The following MEIS1 variants were observed in gnomAD, a reference collection of about 807,000 sequenced individuals.
MEIS1 encodes the protein homeobox protein Meis1.
A neutral mutation model predicts 50.8 loss-of-function variants in MEIS1; 5 were observed. The ratio of observed to expected loss-of-function variants is 0.10; its 90% CI spans 0.05 to 0.21. The LOEUF is 0.21. Ranked by LOEUF, MEIS1 falls within the 10% of genes least tolerant of loss-of-function variation. MEIS1 has a pLI of 1.00. For missense variants in MEIS1, 318 were observed against 517.3 expected (o/e 0.61, Z 3.74); for synonymous variants, 176 against 179.3 (o/e 0.98, Z 0.15).
Position 66,435,815 on chromosome 2 carries a change from G to A in MEIS1, c.-42G>A. On this transcript the variant is annotated 5_prime_UTR_variant, in exon 1 of 13. Transcript: ENST00000272369. ...TTCTTTTCACACTGGCCTTAAAGAG[G>A]ATATATTAGAAGTTGAAGTAGGAAG... The A allele has an allele frequency of 6.6e-7, 1 of 1,520,164 alleles. No homozygotes were observed. Among genetic ancestry groups the A allele is most frequent in the South Asian group, 1.2e-5 (1 of 81,032 alleles). 94.2% of individuals were successfully genotyped at this position (1,520,164 alleles called of 1,614,324 possible).
At chr2:66,494,715 C>T (rs1461590964) in intron 7 of MEIS1, among the ~76,000 whole-genome samples, 1 of 152,144 alleles carries the variant, frequency 6.6e-6, no homozygotes, top group African/African-American at 2.4e-5. Flanking sequence ...AGAACTTTCA[C>T]ATATATGATC....
chr2:66,487,224 A>G (rs1486680232), intron 7 of MEIS1, among the ~76,000 whole-genome samples: 1 of 152,202 alleles, frequency 6.6e-6, no homozygotes, highest in Admixed American at 6.5e-5. Flanking sequence ...ATCATTTTTT[A>G]GCATTTCCGC....
intron 6 of MEIS1, chr2:66,443,375 G>A: frequency 4.0e-6 from 1 of 252,118 alleles, no homozygotes; most frequent in Non-Finnish European, 7.4e-6. Flanking sequence ...TGATTGTAGG[G>A]GCTTTGTTCC....
chr2:66,495,501 T>C (rs577346006), intron 7 of MEIS1, among the ~76,000 whole-genome samples: 3 of 152,192 alleles, frequency 2.0e-5, no homozygotes, highest in Non-Finnish European at 4.4e-5. Context: ...TTCAGAGATG[T>C]TTCTGGAAGA....
intron 2 of MEIS1, chr2:66,439,155 CACTTCGCAGAGACAAAATGAAAGGCTCT>C (rs1431811921): frequency 7.4e-6 from 3 of 406,462 alleles, no homozygotes; most frequent in Non-Finnish European, 1.0e-5. Context: ...GCTGCTTTGC[CACTTCGCAGAGACAAAATGAAAGGCTCT>C]ACTGCAGGAA....
intron 8 of MEIS1, among the ~76,000 whole-genome samples, chr2:66,518,231 A>G (rs1451741347): frequency 6.6e-6 from 1 of 152,228 alleles, no homozygotes; most frequent in African/African-American, 2.4e-5. Context: ...CCTTCTGAGC[A>G]CACGACCTCT....
intron 7 of MEIS1, among the ~76,000 whole-genome samples, chr2:66,488,656 C>T (rs145063283): frequency 2.9e-4 from 44 of 151,892 alleles, no homozygotes; most frequent in African/African-American, 9.7e-4. Flanking sequence ...CCAGCCTAGG[C>T]GACAAAGCGA....
chr2:66,525,819 G>A (rs1333202824), intron 8 of MEIS1, among the ~76,000 whole-genome samples: 2 of 152,208 alleles, frequency 1.3e-5, no homozygotes, highest in Non-Finnish European at 2.9e-5. Flanking sequence ...TCAGTGCTCT[G>A]GTGACAATAT....
chr2:66,545,989 C>G (rs1674779995), intron 8 of MEIS1, among the ~76,000 whole-genome samples: 1 of 152,124 alleles, frequency 6.6e-6, no homozygotes, highest in African/African-American at 2.4e-5. Context: ...CTTTGTTCCA[C>G]AAATATTTAG....
chr2:66,571,358 T>A lies in MEIS1; in HGVS notation c.*150T>A. 7.5e-6 allele frequency: 12 copies of A among 1,600,918 alleles called. No individual in the cohort carries two copies. Among genetic ancestry groups the A allele is most frequent in the Non-Finnish European group, 1.0e-5 (12 of 1,173,822 alleles). ...TGCCCCCCCATCCTGCTCAGCTGCG[T>A]CATGGGCCCCCCATGCATACGTACA... On this transcript the variant is annotated 3_prime_UTR_variant, in exon 13 of 13. Coordinates refer to ENST00000272369, the MANE Select transcript of MEIS1 (RefSeq NM_002398.3).
At chr2:66,498,204 C>G (rs966515423) in intron 7 of MEIS1, among the ~76,000 whole-genome samples, 5 of 152,256 alleles carry the variant, frequency 3.3e-5, no homozygotes, top group African/African-American at 1.2e-4. Flanking sequence ...AACATAAGAA[C>G]TCACATTCGC....
At chr2:66,449,049 G>A (rs1043809249) in intron 6 of MEIS1, among the ~76,000 whole-genome samples, 8 of 151,996 alleles carry the variant, frequency 5.3e-5, no homozygotes, top group African/African-American at 1.9e-4. Flanking sequence ...TCTCCTGAGT[G>A]CAAAAAAATT....
intron 8 of MEIS1, among the ~76,000 whole-genome samples, chr2:66,543,862 C>T (rs559207900): frequency 2.0e-5 from 3 of 152,290 alleles, no homozygotes; most frequent in South Asian, 4.1e-4. Flanking sequence ...ACAACAAAGG[C>T]GAGGTCTCCC....
chr2:66,533,883 A>G (rs993649262), intron 8 of MEIS1, among the ~76,000 whole-genome samples: 3 of 152,248 alleles, frequency 2.0e-5, no homozygotes, highest in African/African-American at 2.4e-5. Context: ...ACAAGAAAAC[A>G]TTAAAATCTA....
In MEIS1 at chr2:66,437,782, C is replaced by T. The variant is rs758777353; in HGVS notation, c.58C>T (p.Pro20Ser). Residue 20 changes from proline (P) to serine (S), a missense_variant, in exon 2 of 13, where the codon CCC becomes TCC. Physicochemically the swap from Pro to Ser is moderately conservative, Grantham distance 74. This residue lies in a region of MEIS1 where 100 missense variants were observed against 107.1 expected (regional missense o/e 0.93). Transcript: ENST00000272369. ...CGGGGGCATGGATGGAGTAGGCATCCCCTCCACGATGTATGGGGACCCGCA... is the reference window on the plus strand; with the variant it reads ...CGGGGGCATGGATGGAGTAGGCATCTCCTCCACGATGTATGGGGACCCGCA... ...HYGGMDGVGI[P>S]STMYGDPHAA... 8.1e-6 allele frequency: 13 copies of T among 1,613,762 alleles called. No individual in the cohort carries two copies. In the African/African-American group the frequency reaches 1.5e-4, roughly 18 times the overall value.
intron 9 of MEIS1, among the ~76,000 whole-genome samples, chr2:66,565,785 A>G (rs1325426093): frequency 6.6e-6 from 1 of 152,214 alleles, no homozygotes; most frequent in Non-Finnish European, 1.5e-5. Flanking sequence ...AGTACCATAG[A>G]TAAAGAGATG....
At chr2:66,500,195 T>G (rs1673516796) in intron 7 of MEIS1, among the ~76,000 whole-genome samples, 2 of 152,186 alleles carry the variant, frequency 1.3e-5, no homozygotes, top group Non-Finnish European at 2.9e-5. Flanking sequence ...ACATATAATC[T>G]ATGATTGTAA....
At chr2:66,508,854 G>A (rs1337856405) in intron 7 of MEIS1, 2 of 376,158 alleles carry the variant, frequency 5.3e-6, no homozygotes, top group East Asian at 1.5e-4. Context: ...TAATGAGGCT[G>A]TAAGCTTGTT....
At chr2:66,522,152 C>G (rs1260883727) in intron 8 of MEIS1, among the ~76,000 whole-genome samples, 1 of 152,198 alleles carries the variant, frequency 6.6e-6, no homozygotes, top group Non-Finnish European at 1.5e-5. Flanking sequence ...TTGGTTCCTT[C>G]TTTCTAGCCA....
Sources: gnomAD v4.1 joint callset for allele counts (sites outside exome capture counted in the v4.1 genomes callset) on GRCh38, gnomAD v4.1.1 for gene constraint, gnomAD v4.1.1 regional missense constraint, MANE v1.5 for transcripts, NCBI Gene and HGNC (gene_info 2026-07-23, HGNC 2026-07-21) for gene names.